ZER1: variants seen among roughly 807,000 people sequenced by gnomAD.
The protein encoded by ZER1 is zyg-11 related cell cycle regulator.
A neutral mutation model predicts 78.8 loss-of-function variants in ZER1; 11 were observed. The ratio of observed to expected loss-of-function variants is 0.14; its 90% CI spans 0.09 to 0.23. The LOEUF (loss-of-function observed/expected upper bound fraction) is 0.23. ZER1 is among the 10% of genes least tolerant of loss of function. The probability of loss-of-function intolerance (pLI) is 1.00; values close to 1 mark genes in which losing one functional copy is unlikely to be tolerated. For synonymous variants in ZER1, 400 were observed against 407.0 expected (o/e 0.98, Z 0.21); for missense variants, 588 against 996.9 (o/e 0.59, Z 5.52).
rs1589535729 is a variant in ZER1 at position 128,754,028 on chromosome 9, C to T, written c.159-69G>A. The T allele has an allele frequency of 3.9e-6, 6 of 1,521,814 alleles. No homozygotes were observed. In the East Asian group the frequency reaches 1.5e-4, roughly 37 times the overall value. 94.3% of individuals were successfully genotyped at this position (1,521,814 alleles called of 1,614,324 possible). On this transcript the variant is annotated intron_variant, in intron 2 of 15. Transcript: ENST00000291900. This position sits in a 1 kb window ranked among gnomAD's most constrained non-coding sequence, Gnocchi z 4.3. Reference sequence around the variant, plus strand: ...TCTCATCCTCGCTTCAAAGCCAAGCCCTCCTCCCCCTGAAGCTTTCTTGGA... The same window carrying T: ...TCTCATCCTCGCTTCAAAGCCAAGCTCTCCTCCCCCTGAAGCTTTCTTGGA...
chr9:128,748,505 A>G (rs1004356412), intron 8 of ZER1, among the ~76,000 whole-genome samples: 6 of 151,490 alleles, frequency 4.0e-5, no homozygotes, highest in African/African-American at 1.5e-4. Flanking sequence ...TGAGAGGTGG[A>G]GGCCACAGTG....
intron 1 of ZER1, among the ~76,000 whole-genome samples, chr9:128,770,131 C>CT (rs1038614426): frequency 2.0e-5 from 3 of 151,856 alleles, no homozygotes; most frequent in South Asian, 2.1e-4. Context: ...CTGTTTCTTT[C>CT]TTTTTTTTGA....
chr9:128,748,493 C>A (rs921539005), intron 8 of ZER1, among the ~76,000 whole-genome samples: 2 of 151,972 alleles, frequency 1.3e-5, no homozygotes, highest in African/African-American at 4.8e-5. Context: ...CTTGCTTGAG[C>A]CTGAGAGGTG....
intron 8 of ZER1, among the ~76,000 whole-genome samples, chr9:128,750,188 A>G (rs568012249): frequency 5.9e-5 from 9 of 152,242 alleles, no homozygotes; most frequent in Non-Finnish European, 1.2e-4. Context: ...AAAATTCACA[A>G]TTGATATCCC....
At chr9:128,759,799 A>T (rs1863986055) in intron 1 of ZER1, among the ~76,000 whole-genome samples, 1 of 152,158 alleles carries the variant, frequency 6.6e-6, no homozygotes, top group African/African-American at 2.4e-5. Flanking sequence ...CGTCTCAAAA[A>T]AAAAGAAAAA....
Position 128,770,866 on chromosome 9 carries a change from C to A in ZER1, c.-95+715G>T, listed in dbSNP as rs538864066. Among the ~76,000 whole-genome samples, 7 of 152,236 alleles carry A rather than the reference C, an allele frequency of 4.6e-5. No homozygotes were observed. In the East Asian group the frequency reaches 7.7e-4, roughly 17 times the overall value. On this transcript the variant is annotated intron_variant, in intron 1 of 15. Transcript: ENST00000291900. The stretch of plus-strand genomic sequence containing the variant: ...AGACATCAGACATTCCATTCCCCTC[C>A]CCCTTAAAAATCAAATGCACTAGCT...
chr9:128,751,604 C>G lies in ZER1; in HGVS notation c.924-77G>C, dbSNP rs1863680550. The G allele has an allele frequency of 8.0e-7, 1 of 1,243,816 alleles. No homozygotes were observed. The highest frequency in any genetic ancestry group is 1.2e-6 in the Non-Finnish European group (1 of 865,254). 77.0% of individuals were successfully genotyped at this position (1,243,816 alleles called of 1,614,324 possible). ...GGCCTCCCCACTGGGGGTGGTGAGG[C>G]ATTTCCTTGCTTTCTCTTCTAGGCC... On this transcript the variant is annotated intron_variant, in intron 5 of 15. Transcript: ENST00000291900. The surrounding 1 kb of genome is among the most constrained non-coding windows in gnomAD (Gnocchi z 5.4).
rs149268069 is a variant in ZER1, at chr9:128,740,670, A to G, written c.1853+102T>C. On this transcript the variant is annotated intron_variant, in intron 12 of 15. Coordinates refer to ENST00000291900, the MANE Select transcript of ZER1 (RefSeq NM_006336.4). The surrounding 1 kb of genome is among the most constrained non-coding windows in gnomAD (Gnocchi z 4.4). ...ACATTATCGAGGGAAAATGACATTTATAGCAAACCTAGGCTAAGAGCAGTT... is the reference window on the plus strand; with the variant it reads ...ACATTATCGAGGGAAAATGACATTTGTAGCAAACCTAGGCTAAGAGCAGTT... 5.4e-4 allele frequency: 351 copies of G among 654,826 alleles called. 7 individuals are homozygous for G. In the East Asian group the frequency reaches 6.0e-3, roughly 11 times the overall value. The allele number at this position is 654,826 out of a possible 1,614,324, so 40.6% of individuals were successfully genotyped here.
chr9:128,767,173 C>T (rs1308959200), intron 1 of ZER1, among the ~76,000 whole-genome samples: 1 of 151,974 alleles, frequency 6.6e-6, no homozygotes, highest in Non-Finnish European at 1.5e-5. Flanking sequence ...GAACTCCTGA[C>T]CTCAGGTGAT....
At chr9:128,764,874 A>G (rs1408102788) in intron 1 of ZER1, among the ~76,000 whole-genome samples, 1 of 152,112 alleles carries the variant, frequency 6.6e-6, no homozygotes, top group African/African-American at 2.4e-5. Flanking sequence ...CTTTTCTTGC[A>G]TGTTCTCTAA....
At chr9:128,764,839 G>A (rs182004623) in intron 1 of ZER1, among the ~76,000 whole-genome samples, 4 of 152,270 alleles carry the variant, frequency 2.6e-5, no homozygotes, top group Admixed American at 2.6e-4. Flanking sequence ...ACCACACTGG[G>A]AGAACCCTGT....
chr9:128,735,757 CCTGGTTTTTT>C (rs1298969155), intron 13 of ZER1, among the ~76,000 whole-genome samples: 1,247 of 77,324 alleles, frequency 0.016, 184 homozygotes, highest in African/African-American at 0.067. Context: ...GCACGTGTGA[CCTGGTTTTTT>C]TTTTTTTTTT....
At chr9:128,731,441 G>GGGGGGGGGGGGGGGC in intron 15 of ZER1, 47 bp from the exon 16 acceptor site, 1 of 704,910 alleles carries the variant, frequency 1.4e-6, no homozygotes, top group African/African-American at 1.8e-5. Flanking sequence ...CTTGGGTGGG[G>GGGGGGGGGGGGGGGC]GTGAGCCCAG....
chr9:128,747,596 ATTTAGGTATC>A (rs1863535612), intron 8 of ZER1, among the ~76,000 whole-genome samples: 1 of 152,036 alleles, frequency 6.6e-6, no homozygotes, highest in Non-Finnish European at 1.5e-5. Flanking sequence ...TCTTTTAAGC[ATTTAGGTATC>A]TTTTTTTTGT....
chr9:128,742,847 G>A, intron 8 of ZER1, 102 bp from the exon 9 acceptor site: 2 of 1,222,704 alleles, frequency 1.6e-6, no homozygotes, highest in Non-Finnish European at 2.2e-6. Context: ...AGTTGTGGCA[G>A]TCCAGCCCGG....
intron 8 of ZER1, among the ~76,000 whole-genome samples, chr9:128,743,898 T>A (rs1323919875): frequency 7.3e-6 from 1 of 137,426 alleles, no homozygotes; most frequent in Non-Finnish European, 1.6e-5. Flanking sequence ...CCCTGCTTTT[T>A]TTTTTTTTTT....
At position 128,753,226 on chromosome 9, in the gene ZER1, G is replaced by A. The variant is rs750557386; in HGVS notation, c.684C>T (p.Val228=). 6.3e-7 allele frequency: 1 copy of A among 1,586,920 alleles called. No homozygotes were observed. Among genetic ancestry groups the A allele is most frequent in the South Asian group, 1.1e-5 (1 of 87,400 alleles). Residue 228 remains valine (V), a synonymous_variant, in exon 4 of 16, where the codon GTC becomes GTT. Transcript: ENST00000291900. This position sits in a 1 kb window ranked among gnomAD's most constrained non-coding sequence, Gnocchi z 7.5. ...TQWKDSLVSL[V]LYNMDLSDDH... The stretch of plus-strand genomic sequence containing the variant: ...CGTCGGACAGGTCCATGTTGTAGAG[G>A]ACGAGGGACACCAGGCTGTCTTTCC...
chr9:128,746,797 A>G (rs1265444679), intron 8 of ZER1, among the ~76,000 whole-genome samples: 2 of 151,890 alleles, frequency 1.3e-5, no homozygotes, highest in African/African-American at 2.4e-5. Context: ...CGGCACACTC[A>G]GCTAATTTTT....
At chr9:128,769,783 G>A (rs1306420401) in intron 1 of ZER1, among the ~76,000 whole-genome samples, 20 of 152,124 alleles carry the variant, frequency 1.3e-4, no homozygotes, top group Admixed American at 1.3e-3. Context: ...GGAAGCAGCG[G>A]CATAACTTAA....
Sources: allele counts gnomAD v4.1 joint callset (sites outside exome capture counted in the v4.1 genomes callset), GRCh38; gene constraint gnomAD v4.1.1; non-coding constraint Gnocchi (gnomAD v3.1); transcripts MANE v1.5; gene names NCBI Gene and HGNC (gene_info 2026-07-23, HGNC 2026-07-21).